Variants in EXOC4 observed in about 807,000 individuals in gnomAD.
EXOC4 encodes the protein SEC8-like 1.
In EXOC4, 71 loss-of-function variants were observed where a neutral mutation model predicts 107.2. The observed-to-expected ratio is 0.66, with a 90% CI of 0.55 to 0.81. The LOEUF (loss-of-function observed/expected upper bound fraction) is 0.81, where lower values mean the gene tolerates loss of function less well. EXOC4 is among the 30% of genes least tolerant of loss of function. EXOC4 has a pLI of 0.00. For missense variants in EXOC4, 1,108 were observed against 1,189.6 expected (o/e 0.93, Z 1.01); for synonymous variants, 456 against 441.2 (o/e 1.03, Z -0.42).
At chr7:133,398,092 T>G (rs1006824584) in intron 7 of EXOC4, among the ~76,000 whole-genome samples, 1 of 152,192 alleles carries the variant, frequency 6.6e-6, no homozygotes, top group South Asian at 2.1e-4. Flanking sequence ...GACGTCTTAT[T>G]CATGTATTAG....
At chr7:133,858,377 C>T (rs1255219585) in intron 11 of EXOC4, among the ~76,000 whole-genome samples, 1 of 152,056 alleles carries the variant, frequency 6.6e-6, no homozygotes, top group Non-Finnish European at 1.5e-5. Context: ...GAAGTGTGTG[C>T]TGATTGGTTC....
intron 16 of EXOC4, among the ~76,000 whole-genome samples, chr7:134,005,483 A>G (rs1794625206): frequency 6.6e-6 from 1 of 152,202 alleles, no homozygotes; most frequent in Non-Finnish European, 1.5e-5. Flanking sequence ...TGGAACGGGA[A>G]GTTTTCTCAC....
intron 15 of EXOC4, among the ~76,000 whole-genome samples, chr7:134,003,524 G>T (rs1794576617): frequency 6.6e-6 from 1 of 152,100 alleles, no homozygotes; most frequent in Non-Finnish European, 1.5e-5. Flanking sequence ...TAATGCCCAA[G>T]GCTTTTGCAG....
Position 133,857,108 on chromosome 7 carries a change from A to G in EXOC4, c.1735-38491A>G, listed in dbSNP as rs1460109628. On this transcript the variant is annotated intron_variant, in intron 11 of 17. Coordinates refer to ENST00000253861, the MANE Select transcript of EXOC4 (RefSeq NM_021807.4). ...AGAGACTCCGTCTTTATATATATAT[A>G]TATGTGTATATATATATGTATATAT... Among the ~76,000 whole-genome samples the G allele has an allele frequency of 1.0e-4, 11 of 105,364 alleles. No individual in the cohort carries two copies. The East Asian group carries it at 1.8e-3, about 17-fold the overall frequency. 69.1% of individuals were successfully genotyped at this position (105,364 alleles called of 152,430 possible). A position where few individuals can be genotyped will look rare whatever the true frequency, so the allele number is the denominator to read the frequency against.
intron 10 of EXOC4, among the ~76,000 whole-genome samples, chr7:133,640,418 A>G (rs1210672030): frequency 6.6e-6 from 1 of 152,224 alleles, no homozygotes; most frequent in African/African-American, 2.4e-5. Flanking sequence ...GAGCAATTAT[A>G]AAATATAATA....
rs145422347 is a variant in EXOC4, at chr7:133,379,617, T to C, written c.1182+4615T>C. 3.7e-3 allele frequency among the ~76,000 whole-genome samples: 566 copies of C among 152,228 alleles called. 5 individuals carry two copies. Among genetic ancestry groups the C allele is most frequent in the African/African-American group, 0.013 (525 of 41,558 alleles). On this transcript the variant is annotated intron_variant, in intron 7 of 17. Coordinates refer to ENST00000253861, the MANE Select transcript of EXOC4 (RefSeq NM_021807.4). ...GTTATGGACTATGTAATTTTACTTATGGCAAGGTCATAAAATACTTTGTGA... is the reference window on the plus strand; with the variant it reads ...GTTATGGACTATGTAATTTTACTTACGGCAAGGTCATAAAATACTTTGTGA...
At chr7:133,360,077 T>G (rs536840897) in intron 6 of EXOC4, among the ~76,000 whole-genome samples, 1 of 152,352 alleles carries the variant, frequency 6.6e-6, no homozygotes, top group South Asian at 2.1e-4. Flanking sequence ...ATTATTTCTC[T>G]AGAAAGACAG....
At chr7:133,417,737 A>G (rs1230620109) in intron 7 of EXOC4, among the ~76,000 whole-genome samples, 1 of 152,080 alleles carries the variant, frequency 6.6e-6, no homozygotes, top group Non-Finnish European at 1.5e-5. Context: ...CCTCATCAGT[A>G]CCTTTAGTCA....
At chr7:134,090,330 T>G in the EXOC4 span, among the ~76,000 whole-genome samples, 1 of 152,198 alleles carries the variant, frequency 6.6e-6, no homozygotes, top group Non-Finnish European at 1.5e-5. Context: ...CATCCAGTTT[T>G]TTTCAGGGAC....
intron 9 of EXOC4, among the ~76,000 whole-genome samples, chr7:133,574,494 G>A (rs1801086875): frequency 6.6e-6 from 1 of 152,124 alleles, no homozygotes; most frequent in Admixed American, 6.5e-5. Context: ...CTGATTTTGG[G>A]ACTGGGTAAA....
intron 2 of EXOC4, among the ~76,000 whole-genome samples, chr7:133,286,804 T>C (rs899130078): frequency 6.6e-6 from 1 of 152,232 alleles, no homozygotes; most frequent in Admixed American, 6.5e-5. Context: ...TGTCCCACTT[T>C]GACTTCATCC....
chr7:133,275,555 A>G (rs1039959995), intron 2 of EXOC4, among the ~76,000 whole-genome samples: 1 of 152,218 alleles, frequency 6.6e-6, no homozygotes, highest in South Asian at 2.1e-4. Context: ...ACAATAAAGC[A>G]TAATATTCTG....
chr7:133,425,050 C>T (rs909017143), intron 7 of EXOC4, among the ~76,000 whole-genome samples: 2 of 151,858 alleles, frequency 1.3e-5, no homozygotes, highest in Non-Finnish European at 2.9e-5. Context: ...GCCATGGTAC[C>T]CTATGAGGGA....
intron 12 of EXOC4, among the ~76,000 whole-genome samples, chr7:133,904,785 G>A (rs1051426410): frequency 1.1e-4 from 16 of 152,228 alleles, no homozygotes; most frequent in African/African-American, 3.4e-4. Context: ...CCACGGTGCT[G>A]TTGCTGCTGG....
At chr7:134,046,481 C>A (rs1167163230) in intron 17 of EXOC4, among the ~76,000 whole-genome samples, 29 of 148,598 alleles carry the variant, frequency 2.0e-4, no homozygotes, top group African/African-American at 4.4e-4. Context: ...AAAAAAAAAA[C>A]AAAAAAAGAC....
At chr7:133,965,046 A>G (rs1017725747) in intron 14 of EXOC4, among the ~76,000 whole-genome samples, 10 of 152,090 alleles carry the variant, frequency 6.6e-5, no homozygotes, top group African/African-American at 2.4e-4. Context: ...ATGGTATCTC[A>G]TTGTGATTTT....
chr7:133,707,255 A>G (rs1316344359), intron 10 of EXOC4, among the ~76,000 whole-genome samples: 1 of 152,300 alleles, frequency 6.6e-6, no homozygotes, highest in South Asian at 2.1e-4. Flanking sequence ...GTGGTGGTGC[A>G]TGTCTATAAT....
chr7:133,823,898 TATATATATATATAA>T lies in EXOC4; in HGVS notation c.1734+6366_1734+6379del, dbSNP rs1797627867. Among the ~76,000 whole-genome samples, 8 of 26,588 alleles carry T rather than the reference TATATATATATATAA, an allele frequency of 3.0e-4. 1 individual carries two copies. The highest frequency in any genetic ancestry group is 1.5e-3 in the South Asian group (1 of 652). The allele number at this position is 26,588 out of a possible 152,430, so 17.4% of individuals were successfully genotyped here. A position where few individuals can be genotyped will look rare whatever the true frequency, so the allele number is the denominator to read the frequency against. ...TATATATATATATATATATATTTTA[TATATATATATATAA>T]ATATATATATAAATTATATATATAT... is the stretch of plus-strand genomic sequence containing the variant. On this transcript the variant is annotated intron_variant, in intron 11 of 17. Transcript: ENST00000253861.
chr7:133,615,289 A>G (rs1223570161), intron 9 of EXOC4, among the ~76,000 whole-genome samples: 1 of 150,110 alleles, frequency 6.7e-6, no homozygotes, highest in Non-Finnish European at 1.5e-5. Flanking sequence ...CCCCTCATCT[A>G]CTCAAAATGA....
Sources: gnomAD v4.1 joint callset for allele counts (sites outside exome capture counted in the v4.1 genomes callset) on GRCh38, gnomAD v4.1.1 for gene constraint, MANE v1.5 for transcripts, NCBI Gene and HGNC (gene_info 2026-07-23, HGNC 2026-07-21) for gene names.